DDX10: variants seen among roughly 807,000 people sequenced by gnomAD.
DDX10 encodes the protein probable ATP-dependent RNA helicase DDX10.
DDX10 carries 74 observed loss-of-function variants against 104.3 expected under a neutral mutation model. The observed-to-expected ratio is 0.71, with a 90% CI of 0.59 to 0.86. The LOEUF (loss-of-function observed/expected upper bound fraction) is 0.86. Among genes scored for constraint, DDX10 ranks in the 40% least tolerant of loss-of-function variants. The pLI, the probability that DDX10 is intolerant of heterozygous loss-of-function variation, is 0.00. For synonymous variants in DDX10, 351 were observed against 353.4 expected (o/e 0.99, Z 0.08); for missense variants, 952 against 1,040.0 (o/e 0.92, Z 1.16).
chr11:108,729,911 A>T (rs146773564), intron 13 of DDX10: 120 of 152,842 alleles, frequency 7.9e-4, no homozygotes, highest in African/African-American at 2.8e-3. Context: ...TAGTAAGCTG[A>T]TGAATCATTT....
intron 5 of DDX10, 125 bp from the exon 6 acceptor site, chr11:108,679,246 C>T (rs1261793530): frequency 2.6e-6 from 2 of 770,720 alleles, no homozygotes; most frequent in African/African-American, 1.7e-5. Flanking sequence ...AGACTTTATT[C>T]AGGTTTTACC....
intron 16 of DDX10, among the ~76,000 whole-genome samples, chr11:108,913,895 A>G (rs1863712092): frequency 6.6e-6 from 1 of 152,154 alleles, no homozygotes; most frequent in Non-Finnish European, 1.5e-5. Flanking sequence ...AATTAAAGGT[A>G]TTAGTCACAT....
At chr11:108,914,215 TATTAA>T (rs1863715818) in intron 16 of DDX10, among the ~76,000 whole-genome samples, 1 of 152,242 alleles carries the variant, frequency 6.6e-6, no homozygotes, top group South Asian at 2.1e-4. Flanking sequence ...ATTATTCTCT[TATTAA>T]ATTGTAGGTA....
At chr11:108,870,664 A>G (rs1303638123) in intron 16 of DDX10, among the ~76,000 whole-genome samples, 2 of 151,888 alleles carry the variant, frequency 1.3e-5, no homozygotes, top group Non-Finnish European at 2.9e-5. Context: ...CAAAATAGCA[A>G]CCTCCTCTTA....
chr11:108,812,891 A>G (rs1214448239), intron 13 of DDX10, among the ~76,000 whole-genome samples: 2 of 147,842 alleles, frequency 1.4e-5, no homozygotes, highest in Admixed American at 1.4e-4. Context: ...CTGAGGCAGG[A>G]GAGTCTCTTG....
intron 16 of DDX10, among the ~76,000 whole-genome samples, chr11:108,866,997 A>G (rs1591102159): frequency 6.6e-6 from 1 of 152,304 alleles, no homozygotes; most frequent in African/African-American, 2.4e-5. Flanking sequence ...AGGGCATTTG[A>G]GTCAGGCCCT....
chr11:108,711,584 C>A (rs561586801), intron 10 of DDX10, among the ~76,000 whole-genome samples: 1 of 152,160 alleles, frequency 6.6e-6, no homozygotes, highest in South Asian at 2.1e-4. Context: ...CTGCCCTCCT[C>A]GGCCTCCCAA....
At chr11:108,672,494 TTTG>T (rs753930778) in intron 1 of DDX10, among the ~76,000 whole-genome samples, 5 of 152,222 alleles carry the variant, frequency 3.3e-5, no homozygotes, top group Non-Finnish European at 7.3e-5. Context: ...TCTGAAATGA[TTTG>T]TAGGGATTAA....
intron 16 of DDX10, among the ~76,000 whole-genome samples, chr11:108,900,831 C>G (rs899445777): frequency 3.3e-5 from 5 of 152,116 alleles, no homozygotes; most frequent in Non-Finnish European, 7.3e-5. Context: ...TGTCTCTGCT[C>G]GAAAGAAGGG....
At chr11:108,730,478 GT>G (rs1565261153) in intron 13 of DDX10, among the ~76,000 whole-genome samples, 1 of 152,192 alleles carries the variant, frequency 6.6e-6, no homozygotes, top group African/African-American at 2.4e-5. Context: ...ACAATGACTA[GT>G]GCAAATTTCA....
chr11:108,887,651 A>T (rs1478727040), intron 16 of DDX10, among the ~76,000 whole-genome samples: 1 of 151,830 alleles, frequency 6.6e-6, no homozygotes. Context: ...GCAGTGGCTC[A>T]TTCCTATAAT....
chr11:108,687,345 C>T (rs184254155), intron 6 of DDX10, among the ~76,000 whole-genome samples: 84 of 152,258 alleles, frequency 5.5e-4, no homozygotes, highest in African/African-American at 2.0e-3. Context: ...CTTACTCTGT[C>T]ACCCAGGCTA....
At chr11:108,843,573 CAT>C (rs1481675040) in intron 15 of DDX10, among the ~76,000 whole-genome samples, 1 of 151,994 alleles carries the variant, frequency 6.6e-6, no homozygotes, top group Non-Finnish European at 1.5e-5. Context: ...GCCTGACCAA[CAT>C]AGTGAAACCC....
At chr11:108,795,097 G>A (rs537026196) in intron 13 of DDX10, among the ~76,000 whole-genome samples, 1 of 152,122 alleles carries the variant, frequency 6.6e-6, no homozygotes, top group Admixed American at 6.5e-5. Flanking sequence ...CAAAGTGCTA[G>A]GATTTACAGG....
intron 9 of DDX10, among the ~76,000 whole-genome samples, chr11:108,695,643 C>T (rs1182389425): frequency 1.3e-5 from 2 of 151,862 alleles, no homozygotes; most frequent in Non-Finnish European, 2.9e-5. Context: ...TATGTGGTCA[C>T]TTTTTGTTTC....
At chr11:108,826,033 A>T (rs1414453041) in intron 13 of DDX10, among the ~76,000 whole-genome samples, 1 of 113,306 alleles carries the variant, frequency 8.8e-6, no homozygotes, top group African/African-American at 2.9e-5. Flanking sequence ...TAATTTCATA[A>T]TAGCTGTGAT....
chr11:108,813,106 C>G (rs572367565), intron 13 of DDX10, among the ~76,000 whole-genome samples: 2 of 150,950 alleles, frequency 1.3e-5, no homozygotes, highest in South Asian at 4.2e-4. Context: ...TACTTTCTTT[C>G]TGATGTTGAA....
chr11:108,755,339 A>G lies in DDX10; in HGVS notation c.1965+31877A>G, dbSNP rs367907608. On this transcript the variant is annotated intron_variant, in intron 13 of 17. Coordinates refer to ENST00000322536, the MANE Select transcript of DDX10 (RefSeq NM_004398.4). ...ATTTTTTCTCTAACTTATGAGAGTC[A>G]TGAATTTTATTGTGTACTCAAACTT... is the stretch of plus-strand genomic sequence containing the variant. Among the ~76,000 whole-genome samples, 18 of 152,210 alleles carry G rather than the reference A, an allele frequency of 1.2e-4. No homozygotes were observed. The East Asian group carries it at 3.5e-3, about 29-fold the overall frequency.
intron 16 of DDX10, among the ~76,000 whole-genome samples, chr11:108,880,378 G>A (rs539740108): frequency 6.6e-6 from 1 of 152,286 alleles, no homozygotes; most frequent in South Asian, 2.1e-4. Flanking sequence ...GGGGGTTAGG[G>A]CTTCAATAAG....
Sources: allele counts gnomAD v4.1 joint callset (sites outside exome capture counted in the v4.1 genomes callset), GRCh38; gene constraint gnomAD v4.1.1; transcripts MANE v1.5; gene names NCBI Gene and HGNC (gene_info 2026-07-23, HGNC 2026-07-21).